The following EYA2 variants were observed in gnomAD, a reference collection of about 807,000 sequenced individuals.
EYA2 encodes protein phosphatase EYA2.
A neutral mutation model predicts 69.2 loss-of-function variants in EYA2; 31 were observed. The ratio of observed to expected loss-of-function variants is 0.45; its 90% CI spans 0.34 to 0.60. The LOEUF is 0.60. Among genes scored for constraint, EYA2 ranks in the 20% least tolerant of loss-of-function variants. The probability of loss-of-function intolerance (pLI) is 0.02; values close to 1 mark genes in which losing one functional copy is unlikely to be tolerated. For missense variants in EYA2, 622 were observed against 701.2 expected, an observed-to-expected ratio of 0.89 and a Z score of 1.28; for synonymous variants, 257 against 279.4, an observed-to-expected ratio of 0.92 and a Z score of 0.80.
In EYA2 at chr20:47,106,050, G is replaced by A. The variant is rs185567836; in HGVS notation, c.888+8882G>A. The stretch of plus-strand genomic sequence containing the variant: ...CCTTGGCAATGGCAGGAACAGATTG[G>A]CCAACGAGAGGCTTTAATATATAGT... On this transcript the variant is annotated intron_variant, in intron 9 of 15. Coordinates refer to ENST00000327619, the MANE Select transcript of EYA2 (RefSeq NM_005244.5). Among the ~76,000 whole-genome samples, 16 of 152,306 alleles carry A rather than the reference G, an allele frequency of 1.1e-4. No homozygotes were observed. The East Asian group carries it at 1.5e-3, about 15-fold the overall frequency.
intron 8 of EYA2, among the ~76,000 whole-genome samples, chr20:47,095,620 AG>A (rs1568775250): frequency 6.6e-6 from 1 of 152,178 alleles, no homozygotes; most frequent in African/African-American, 2.4e-5. Flanking sequence ...ACAAGGACTG[AG>A]GAACAGTGAA....
intron 10 of EYA2, among the ~76,000 whole-genome samples, chr20:47,165,441 C>A (rs948438160): frequency 6.6e-6 from 1 of 152,176 alleles, no homozygotes; most frequent in Non-Finnish European, 1.5e-5. Context: ...TTCAGGGTCA[C>A]CCTTTAGCAT....
chr20:46,971,337 T>G (rs899305372), intron 1 of EYA2, among the ~76,000 whole-genome samples: 2 of 152,246 alleles, frequency 1.3e-5, no homozygotes, highest in Non-Finnish European at 2.9e-5. Context: ...TTCCTCATCC[T>G]TAAGGTGCTG....
In EYA2 at chr20:47,086,598, C is replaced by T. The variant is rs118152638; in HGVS notation, c.662-2641C>T. 2.8e-3 allele frequency among the ~76,000 whole-genome samples: 433 copies of T among 152,162 alleles called. 2 individuals carry two copies. Among genetic ancestry groups the T allele is most frequent in the Non-Finnish European group, 5.1e-3 (345 of 68,006 alleles). On this transcript the variant is annotated intron_variant, in intron 7 of 15. Transcript: ENST00000327619. ...ATCTCATGAGAACTCACTCACTGTG[C>T]GGTACCCGGGGAGGGGAGATGGTGC...
rs148578862 is a variant in EYA2 at position 47,132,388 on chromosome 20, C to T, written c.889-10671C>T. ...TTTGGAAAATAACAGGTTAAACTAT[C>T]GCATGGGAATTTCTCAGCGGGAGAA... is the stretch of plus-strand genomic sequence containing the variant. On this transcript the variant is annotated intron_variant, in intron 9 of 15. Coordinates refer to ENST00000327619, the MANE Select transcript of EYA2 (RefSeq NM_005244.5). 4.6e-5 allele frequency among the ~76,000 whole-genome samples: 7 copies of T among 152,312 alleles called. No homozygotes were observed. The East Asian group carries it at 1.2e-3, about 25-fold the overall frequency.
At chr20:47,173,910 T>C (rs2034378948) in intron 12 of EYA2, among the ~76,000 whole-genome samples, 1 of 152,202 alleles carries the variant, frequency 6.6e-6, no homozygotes, top group African/African-American at 2.4e-5. Context: ...GAATTCTAAG[T>C]GCAGCCAAGG....
intron 9 of EYA2, among the ~76,000 whole-genome samples, chr20:47,109,400 C>T (rs566146046): frequency 6.6e-6 from 1 of 152,262 alleles, no homozygotes; most frequent in African/African-American, 2.4e-5. Flanking sequence ...GCTCCTTTCC[C>T]TCCCCTCCCT....
intron 1 of EYA2, among the ~76,000 whole-genome samples, chr20:46,928,911 G>A (rs1985534769): frequency 6.6e-6 from 1 of 152,136 alleles, no homozygotes; most frequent in Non-Finnish European, 1.5e-5. Context: ...TGAACTACAA[G>A]CAAATTCTCC....
chr20:47,073,650 T>C (rs1262276808), intron 6 of EYA2, among the ~76,000 whole-genome samples: 1 of 152,100 alleles, frequency 6.6e-6, no homozygotes, highest in African/African-American at 2.4e-5. Flanking sequence ...CTATATCCCT[T>C]AGGGTGGCCT....
intron 5 of EYA2, among the ~76,000 whole-genome samples, chr20:47,049,563 C>T (rs2030214872): frequency 6.7e-6 from 1 of 150,094 alleles, no homozygotes; most frequent in Admixed American, 6.7e-5. Context: ...CTCCCCCTTT[C>T]CCTCTCTCTT....
chr20:46,940,950 C>G (rs1034642250), intron 1 of EYA2, among the ~76,000 whole-genome samples: 1 of 152,222 alleles, frequency 6.6e-6, no homozygotes, highest in Non-Finnish European at 1.5e-5. Flanking sequence ...CCATCTGTCT[C>G]GCCACCTGCA....
intron 2 of EYA2, 106 bp from the exon 3 acceptor site, chr20:47,001,322 C>T (rs1982354259): frequency 2.2e-6 from 2 of 925,502 alleles, no homozygotes; most frequent in South Asian, 1.3e-5. Context: ...CCGCGGGCAG[C>T]ACCCCTCCAA....
chr20:46,930,417 G>C (rs971196237), intron 1 of EYA2, among the ~76,000 whole-genome samples: 8 of 152,198 alleles, frequency 5.3e-5, no homozygotes, highest in Admixed American at 6.5e-5. Context: ...TTACTTTGCT[G>C]TGCAGACAGG....
intron 2 of EYA2, among the ~76,000 whole-genome samples, chr20:46,991,852 C>T (rs1981678802): frequency 1.3e-5 from 2 of 150,470 alleles, no homozygotes; most frequent in South Asian, 4.3e-4. Flanking sequence ...CCTGTAATCC[C>T]AGCTACTTGG....
chr20:46,961,320 T>C (rs981331404), intron 1 of EYA2, among the ~76,000 whole-genome samples: 3 of 152,232 alleles, frequency 2.0e-5, no homozygotes, highest in Admixed American at 2.0e-4. Context: ...AGCGAGACTC[T>C]GTCTCAAATA....
At position 47,156,189 on chromosome 20, in the gene EYA2, C is replaced by G. The variant is rs1487807158; in HGVS notation, c.979-12950C>G. ...ATATATATATATATATATATATTAG[C>G]CGGGCATGGTGGTGCATGCCTGTAG... is the stretch of plus-strand genomic sequence containing the variant. On this transcript the variant is annotated intron_variant, in intron 10 of 15. Transcript: ENST00000327619. Among the ~76,000 whole-genome samples, 41 of 95,658 alleles carry G rather than the reference C, an allele frequency of 4.3e-4. 1 individual carries two copies. Among genetic ancestry groups the G allele is most frequent in the African/African-American group, 1.3e-3 (38 of 29,242 alleles). 62.8% of individuals were successfully genotyped at this position (95,658 alleles called of 152,430 possible). A position where few individuals can be genotyped will look rare whatever the true frequency, so the allele number is the denominator to read the frequency against.
Position 47,179,862 on chromosome 20 carries a change from A to G in EYA2, c.1263A>G (p.Thr421=), listed in dbSNP as rs1466019108. The change falls in exon 13 of 16, where the codon ACA becomes ACG. Residue 421 remains threonine, a synonymous_variant. Transcript: ENST00000327619. The part of the protein sequence containing the change: ...LQLRAELEAL[T]DLWLTHSLKA... ...TCCGAGCTGAGCTGGAAGCTCTCAC[A>G]GACCTCTGGCTGACCCACTCCCTGA... 15 of 1,614,138 alleles carry G rather than the reference A, an allele frequency of 9.3e-6. No homozygotes were observed. The South Asian group carries it at 1.6e-4, about 18-fold the overall frequency.
chr20:46,994,762 A>G (rs372364916), intron 2 of EYA2, among the ~76,000 whole-genome samples: 2,200 of 149,400 alleles, frequency 0.015, 73 homozygotes, highest in African/African-American at 0.052. Flanking sequence ...GCTTTGTGGG[A>G]GGAAATGGTG....
chr20:47,142,450 C>T (rs2033616353), intron 9 of EYA2, among the ~76,000 whole-genome samples: 1 of 152,364 alleles, frequency 6.6e-6, no homozygotes, highest in South Asian at 2.1e-4. Context: ...ATATCAGTAA[C>T]TCCAGAATGA....
Sources: allele counts gnomAD v4.1 joint callset (sites outside exome capture counted in the v4.1 genomes callset), GRCh38; gene constraint gnomAD v4.1.1; transcripts MANE v1.5; gene names NCBI Gene and HGNC (gene_info 2026-07-23, HGNC 2026-07-21).